PDE7B: variants seen among roughly 807,000 people sequenced by gnomAD.
The protein encoded by PDE7B is phosphodiesterase 7B.
Under a neutral mutation model 56.2 loss-of-function variants are expected in PDE7B, and 29 were observed. The observed-to-expected ratio is 0.52, with a 90% CI of 0.38 to 0.70. The LOEUF is 0.70. Ranked by LOEUF, PDE7B falls within the 30% of genes least tolerant of loss-of-function variation. The pLI, the probability that PDE7B is intolerant of heterozygous loss-of-function variation, is 0.00. For synonymous variants in PDE7B, 197 were observed against 196.9 expected (o/e 1.00, Z 0.00); for missense variants, 490 against 565.0 (o/e 0.87, Z 1.35).
chr6:136,138,410 C>T (rs561063650), intron 3 of PDE7B, among the ~76,000 whole-genome samples: 1 of 152,150 alleles, frequency 6.6e-6, no homozygotes, highest in Non-Finnish European at 1.5e-5. Context: ...TTTTTTTCCT[C>T]CCATCTTCAG....
intron 2 of PDE7B, among the ~76,000 whole-genome samples, chr6:136,092,652 T>A (rs970739139): frequency 6.6e-6 from 1 of 152,080 alleles, no homozygotes; most frequent in Non-Finnish European, 1.5e-5. Context: ...TCCCAGCTAC[T>A]CGGGAGGCTG....
At chr6:136,145,184 CTTAT>C (rs1248740545) in intron 3 of PDE7B, among the ~76,000 whole-genome samples, 6 of 152,092 alleles carry the variant, frequency 3.9e-5, no homozygotes, top group East Asian at 1.9e-4. Flanking sequence ...TTCACTTTTC[CTTAT>C]TTATTTACTT....
At chr6:135,929,030 A>G (rs1330278909) in intron 1 of PDE7B, among the ~76,000 whole-genome samples, 1 of 152,172 alleles carries the variant, frequency 6.6e-6, no homozygotes, top group East Asian at 1.9e-4. Context: ...GAACTGGGTT[A>G]TTTTTATACC....
chr6:136,094,654 T>C (rs80048444), intron 2 of PDE7B: 6,075 of 152,346 alleles, frequency 0.04, 165 homozygotes, highest in Middle Eastern at 0.061. Flanking sequence ...TATTTCCCTA[T>C]AGAGGGCAAT....
At chr6:136,013,137 CT>C (rs1775921224) in intron 2 of PDE7B, among the ~76,000 whole-genome samples, 1 of 152,066 alleles carries the variant, frequency 6.6e-6, no homozygotes, top group African/African-American at 2.4e-5. Flanking sequence ...GGAAAAAAAA[CT>C]TTTTTCATCT....
chr6:136,165,085 T>C lies in PDE7B; in HGVS notation c.712-8712T>C, dbSNP rs572470223. Among the ~76,000 whole-genome samples, 9 of 152,184 alleles carry C rather than the reference T, an allele frequency of 5.9e-5. No individual in the cohort carries two copies. The East Asian group carries it at 1.7e-3, about 29-fold the overall frequency. On this transcript the variant is annotated intron_variant, in intron 8 of 12. Coordinates refer to ENST00000308191, the MANE Select transcript of PDE7B (RefSeq NM_018945.4). ...GAAAGTATAGTTTTTCAAAATTCAC[T>C]GAATGAGCAGACCACTGACATGTGG...
At chr6:136,154,765 C>G (rs1778578508) in intron 7 of PDE7B, among the ~76,000 whole-genome samples, 1 of 152,212 alleles carries the variant, frequency 6.6e-6, no homozygotes, top group Admixed American at 6.5e-5. Flanking sequence ...TTCAGGCAGT[C>G]CTTAGACTGA....
intron 11 of PDE7B, among the ~76,000 whole-genome samples, chr6:136,186,822 G>A (rs1428284878): frequency 6.6e-6 from 1 of 152,188 alleles, no homozygotes; most frequent in African/African-American, 2.4e-5. Context: ...AAGCCATTAT[G>A]AACGGTCATT....
intron 2 of PDE7B, among the ~76,000 whole-genome samples, chr6:136,031,644 CAGG>C (rs1048718147): frequency 6.8e-6 from 1 of 147,028 alleles, no homozygotes; most frequent in Non-Finnish European, 1.5e-5. Context: ...GAGGCTGAGG[CAGG>C]AGAATGGCGT....
intron 8 of PDE7B, among the ~76,000 whole-genome samples, chr6:136,156,505 C>T (rs547315505): frequency 1.8e-4 from 27 of 152,152 alleles, no homozygotes; most frequent in Middle Eastern, 3.4e-3. Flanking sequence ...CTACCATGCC[C>T]GACCGAGAAG....
At chr6:136,018,098 T>C (rs1036195872) in intron 2 of PDE7B, among the ~76,000 whole-genome samples, 3 of 152,220 alleles carry the variant, frequency 2.0e-5, no homozygotes, top group African/African-American at 7.2e-5. Context: ...TAGCTGTCTT[T>C]TGGATTTTAT....
chr6:135,885,890 C>T lies in PDE7B; in HGVS notation c.21+33871C>T, dbSNP rs537225578. On this transcript the variant is annotated intron_variant, in intron 1 of 12. Coordinates refer to ENST00000308191, the MANE Select transcript of PDE7B (RefSeq NM_018945.4). The stretch of plus-strand genomic sequence containing the variant: ...TAACTGTTAAGACAAGATGCTCTGG[C>T]GGACTCCTGTTAATTCACAGGCATG... 8.6e-5 allele frequency among the ~76,000 whole-genome samples: 13 copies of T among 151,376 alleles called. 1 individual carries two copies. The South Asian group carries it at 1.0e-3, about 12-fold the overall frequency.
chr6:136,173,856 A>C lies in PDE7B; in HGVS notation c.771A>C (p.Ser257=). 6.2e-7 allele frequency: 1 copy of C among 1,612,636 alleles called. No individual in the cohort carries two copies. The highest frequency in any genetic ancestry group is 1.1e-5 in the South Asian group (1 of 91,070). ...WRSTIGMLRE[S]RLLAHLPKEM... ...CTACAATTGGCATGCTTCGAGAATC[A>C]AGGCTTCTTGCTCATTTGCCAAAGG... The change falls in exon 9 of 13, where the codon TCA becomes TCC. Residue 257 remains serine (S), a synonymous_variant. Coordinates refer to ENST00000308191, the MANE Select transcript of PDE7B (RefSeq NM_018945.4).
rs1779265391 is a variant in PDE7B, at chr6:136,193,634, T to C, written c.*1794T>C. The C allele has an allele frequency of 6.6e-6, 1 of 152,238 alleles. No individual in the cohort carries two copies. The highest frequency in any genetic ancestry group is 1.5e-5 in the Non-Finnish European group (1 of 68,042). 9.4% of individuals were successfully genotyped at this position (152,238 alleles called of 1,614,324 possible). A position where few individuals can be genotyped will look rare whatever the true frequency, so the allele number is the denominator to read the frequency against. On this transcript the variant is annotated 3_prime_UTR_variant, in exon 13 of 13. Coordinates refer to ENST00000308191, the MANE Select transcript of PDE7B (RefSeq NM_018945.4). The stretch of plus-strand genomic sequence containing the variant: ...TTTCTTTTTACTTTAAACAATGTGG[T>C]AGTGGGAGAATGACTGTTTCTGCCA...
chr6:136,039,997 ATTT>A (rs1412858496), intron 2 of PDE7B, among the ~76,000 whole-genome samples: 2 of 152,224 alleles, frequency 1.3e-5, no homozygotes, highest in African/African-American at 4.8e-5. Flanking sequence ...GTACATTATT[ATTT>A]ATGTTCTATA....
intron 2 of PDE7B, among the ~76,000 whole-genome samples, chr6:136,031,558 T>G (rs1344537838): frequency 6.6e-6 from 1 of 151,436 alleles, no homozygotes; most frequent in African/African-American, 2.4e-5. Flanking sequence ...GCTAAAACGG[T>G]GAAACCCCGT....
chr6:136,003,563 A>G (rs1190781660), intron 2 of PDE7B, among the ~76,000 whole-genome samples: 4 of 152,244 alleles, frequency 2.6e-5, no homozygotes, highest in Admixed American at 2.6e-4. Flanking sequence ...ATCAGAGAAT[A>G]CTACAAACAC....
chr6:136,073,075 C>T (rs1777075008), intron 2 of PDE7B, among the ~76,000 whole-genome samples: 1 of 152,076 alleles, frequency 6.6e-6, no homozygotes, highest in South Asian at 2.1e-4. Flanking sequence ...TTGGCCTGCT[C>T]TCGGGGCTAA....
intron 2 of PDE7B, among the ~76,000 whole-genome samples, chr6:136,017,659 T>C (rs1036715791): frequency 2.0e-5 from 3 of 152,130 alleles, no homozygotes; most frequent in African/African-American, 7.2e-5. Flanking sequence ...CACGTAAACT[T>C]TAAACTCTGG....
Sources: allele counts gnomAD v4.1 joint callset (sites outside exome capture counted in the v4.1 genomes callset), GRCh38; gene constraint gnomAD v4.1.1; transcripts MANE v1.5; gene names NCBI Gene and HGNC (gene_info 2026-07-23, HGNC 2026-07-21).